Variants in KCNQ3 observed in about 807,000 individuals in gnomAD.
KCNQ3 encodes the protein potassium voltage-gated channel subfamily KQT member 3.
KCNQ3 carries 30 observed loss-of-function variants against 92.5 expected under a neutral mutation model. That is an observed-to-expected ratio of 0.32 (90% CI 0.24 to 0.44). KCNQ3 has a LOEUF of 0.44. KCNQ3 is among the 20% of genes least tolerant of loss of function. The pLI, the probability that KCNQ3 is intolerant of heterozygous loss-of-function variation, is 1.00. For synonymous variants in KCNQ3, 450 were observed against 468.8 expected (o/e 0.96, Z 0.52); for missense variants, 913 against 1,140.3 (o/e 0.80, Z 2.87).
intron 1 of KCNQ3, among the ~76,000 whole-genome samples, chr8:132,471,106 C>T (rs951765024): frequency 1.3e-4 from 20 of 152,228 alleles, no homozygotes; most frequent in African/African-American, 4.3e-4. Context: ...TTGAGAGGCC[C>T]GGCTACTCAA....
intron 1 of KCNQ3, among the ~76,000 whole-genome samples, chr8:132,382,986 A>C (rs1304409353): frequency 6.6e-6 from 1 of 152,190 alleles, no homozygotes; most frequent in African/African-American, 2.4e-5. Flanking sequence ...CAGTCTCTAC[A>C]TTGTCAGACC....
Position 132,366,293 on chromosome 8 carries a change from T to C in KCNQ3, c.386+113854A>G, listed in dbSNP as rs566187746. Reference sequence around the variant, plus strand: ...ATGGTAAATTGTATATCGATTTCTATATATGACTTTTTTGCCTTGCCCCCT... The same window carrying C: ...ATGGTAAATTGTATATCGATTTCTACATATGACTTTTTTGCCTTGCCCCCT... On this transcript the variant is annotated intron_variant, in intron 1 of 14. Coordinates refer to ENST00000388996, the MANE Select transcript of KCNQ3 (RefSeq NM_004519.4). Among the ~76,000 whole-genome samples the C allele has an allele frequency of 2.6e-5, 4 of 152,238 alleles. No homozygotes were observed. The South Asian group carries it at 8.3e-4, about 32-fold the overall frequency.
chr8:132,136,268 C>T (rs896438933), intron 12 of KCNQ3, among the ~76,000 whole-genome samples: 9 of 152,106 alleles, frequency 5.9e-5, no homozygotes, highest in South Asian at 2.1e-4. Context: ...CAACATCACT[C>T]GGACAGGGAA....
chr8:132,480,780 C>T lies in KCNQ3; in HGVS notation c.-248G>A, dbSNP rs974963438. 1.0e-5 allele frequency: 2 copies of T among 192,302 alleles called. No homozygotes were observed. Among genetic ancestry groups the T allele is most frequent in the Non-Finnish European group, 1.9e-5 (2 of 104,800 alleles). 11.9% of individuals were successfully genotyped at this position (192,302 alleles called of 1,614,324 possible). A position where few individuals can be genotyped will look rare whatever the true frequency, so the allele number is the denominator to read the frequency against. ...GTCAGCCGCAGGACCCCGAGGGTCGCGGGCCGGGGGCTGCGGAGAAGCTGG... is the reference window on the plus strand; with the variant it reads ...GTCAGCCGCAGGACCCCGAGGGTCGTGGGCCGGGGGCTGCGGAGAAGCTGG... On this transcript the variant is annotated 5_prime_UTR_variant, in exon 1 of 15. Coordinates refer to ENST00000388996, the MANE Select transcript of KCNQ3 (RefSeq NM_004519.4).
intron 8 of KCNQ3, among the ~76,000 whole-genome samples, chr8:132,168,454 C>T (rs969533621): frequency 1.3e-5 from 2 of 152,114 alleles, no homozygotes; most frequent in Non-Finnish European, 2.9e-5. Flanking sequence ...TATTAGTGGA[C>T]GGAGTGCCCT....
intron 7 of KCNQ3, 89 bp downstream of exon 7, chr8:132,172,509 G>GTGCACACA (rs1826408743): frequency 8.4e-7 from 1 of 1,190,614 alleles, no homozygotes; most frequent in Non-Finnish European, 1.2e-6. Flanking sequence ...CCCTCCACAT[G>GTGCACACA]TGCACACATG....
At position 132,174,385 on chromosome 8, in the gene KCNQ3, T is replaced by C. The variant is rs530478165; in HGVS notation, c.934-36A>G. On this transcript the variant is annotated intron_variant, in intron 5 of 14. Coordinates refer to ENST00000388996, the MANE Select transcript of KCNQ3 (RefSeq NM_004519.4). The stretch of plus-strand genomic sequence containing the variant: ...AAGAGTTCAGACATGGAGTACCACA[T>C]GGAGAGGAATATCAGGAACGTGTTA... 4 of 1,440,594 alleles carry C rather than the reference T, an allele frequency of 2.8e-6. No individual in the cohort carries two copies. The South Asian group carries it at 3.7e-5, about 13-fold the overall frequency. 89.2% of individuals were successfully genotyped at this position (1,440,594 alleles called of 1,614,324 possible). A position where few individuals can be genotyped will look rare whatever the true frequency, so the allele number is the denominator to read the frequency against.
intron 1 of KCNQ3, among the ~76,000 whole-genome samples, chr8:132,331,288 G>C (rs1405870098): frequency 6.6e-6 from 1 of 152,124 alleles, no homozygotes; most frequent in Non-Finnish European, 1.5e-5. Context: ...TCAACCTCAG[G>C]CTCTCTGCTT....
At chr8:132,436,407 C>T (rs780448695) in intron 1 of KCNQ3, among the ~76,000 whole-genome samples, 1 of 152,150 alleles carries the variant, frequency 6.6e-6, no homozygotes, top group African/African-American at 2.4e-5. Context: ...ATGCGGAATA[C>T]CTCAAGTTCT....
chr8:132,307,589 T>G (rs1019530988), intron 1 of KCNQ3, among the ~76,000 whole-genome samples: 2 of 152,208 alleles, frequency 1.3e-5, no homozygotes, highest in Non-Finnish European at 2.9e-5. Context: ...ATGAGATCCA[T>G]AACAATAGAG....
chr8:132,159,815 A>G (rs1235539389), intron 9 of KCNQ3, among the ~76,000 whole-genome samples: 1 of 152,088 alleles, frequency 6.6e-6, no homozygotes, highest in African/African-American at 2.4e-5. Flanking sequence ...CTTGTAGAAT[A>G]ATGAGTCCAT....
chr8:132,144,416 C>T (rs1825391593), intron 9 of KCNQ3, among the ~76,000 whole-genome samples: 1 of 152,238 alleles, frequency 6.6e-6, no homozygotes, highest in South Asian at 2.1e-4. Flanking sequence ...CTGTTCTACG[C>T]TGTATGGATT....
chr8:132,337,522 C>T (rs1470198227), intron 1 of KCNQ3, among the ~76,000 whole-genome samples: 2 of 151,954 alleles, frequency 1.3e-5, no homozygotes, highest in East Asian at 3.9e-4. Flanking sequence ...CAAAAACAAA[C>T]AAACAAACAA....
At chr8:132,186,355 C>T (rs1202089571) in intron 1 of KCNQ3, among the ~76,000 whole-genome samples, 174 bp from the exon 2 acceptor site, 2 of 152,198 alleles carry the variant, frequency 1.3e-5, no homozygotes, top group Admixed American at 1.3e-4. Flanking sequence ...CAGGCGGAAA[C>T]AATCATCCCA....
chr8:132,391,622 A>T (rs1586980396), intron 1 of KCNQ3, among the ~76,000 whole-genome samples: 1 of 152,302 alleles, frequency 6.6e-6, no homozygotes, highest in Middle Eastern at 3.4e-3. Flanking sequence ...TCAATGAGGG[A>T]AAAGAGAGTA....
chr8:132,399,945 T>A (rs565155836), intron 1 of KCNQ3, among the ~76,000 whole-genome samples: 2 of 152,148 alleles, frequency 1.3e-5, no homozygotes, highest in African/African-American at 2.4e-5. Flanking sequence ...AATTGGATGA[T>A]CTTTACATCA....
intron 1 of KCNQ3, among the ~76,000 whole-genome samples, chr8:132,254,708 A>G (rs1309622497): frequency 2.0e-5 from 3 of 152,002 alleles, no homozygotes; most frequent in African/African-American, 7.2e-5. Context: ...GTGAAACCCC[A>G]TCTCTACTAA....
At chr8:132,275,244 G>A (rs1234218065) in intron 1 of KCNQ3, among the ~76,000 whole-genome samples, 1 of 151,944 alleles carries the variant, frequency 6.6e-6, no homozygotes, top group African/African-American at 2.4e-5. Context: ...AACTAATAAA[G>A]AGAAAAAAGG....
intron 4 of KCNQ3, among the ~76,000 whole-genome samples, chr8:132,178,026 T>C (rs1311071545): frequency 6.6e-6 from 1 of 152,226 alleles, no homozygotes; most frequent in African/African-American, 2.4e-5. Flanking sequence ...CCATATATAC[T>C]GAGGAATTAT....
Sources: gnomAD v4.1 joint callset for allele counts (sites outside exome capture counted in the v4.1 genomes callset) on GRCh38, gnomAD v4.1.1 for gene constraint, MANE v1.5 for transcripts, NCBI Gene and HGNC (gene_info 2026-07-23, HGNC 2026-07-21) for gene names.